The following B3GAT2 variants were observed in gnomAD, a reference collection of about 807,000 sequenced individuals.
The protein encoded by B3GAT2 is galactosylgalactosylxylosylprotein 3-beta-glucuronosyltransferase 2.
Under a neutral mutation model 27.8 loss-of-function variants are expected in B3GAT2, and 26 were observed. That is an observed-to-expected ratio of 0.93 (90% CI 0.68 to 1.30). B3GAT2 has a LOEUF of 1.30. Among genes scored for constraint, B3GAT2 ranks in the 50% most tolerant of loss-of-function variants. B3GAT2 has a pLI of 0.00. For synonymous variants in B3GAT2, 218 were observed against 195.1 expected (o/e 1.12, Z -0.98); for missense variants, 458 against 459.0 (o/e 1.00, Z 0.02).
chr6:70,919,803 T>C (rs1294286721), intron 1 of B3GAT2, among the ~76,000 whole-genome samples: 2 of 152,158 alleles, frequency 1.3e-5, no homozygotes, highest in South Asian at 2.1e-4. Context: ...CTGTATGAGA[T>C]GTCTGTTGGC....
chr6:70,921,894 G>GT (rs1446295727), intron 1 of B3GAT2, among the ~76,000 whole-genome samples: 1 of 152,194 alleles, frequency 6.6e-6, no homozygotes, highest in African/African-American at 2.4e-5. Flanking sequence ...GCTATGTGAT[G>GT]TAACGCTGAT....
In B3GAT2 at chr6:70,856,906, T is replaced by C; in HGVS notation, c.*4757A>G. The C allele has an allele frequency of 1.2e-6, 2 of 1,613,936 alleles. No individual in the cohort carries two copies. The highest frequency in any genetic ancestry group is 1.7e-6 in the Non-Finnish European group (2 of 1,179,840). On this transcript the variant is annotated 3_prime_UTR_variant, in exon 4 of 4. Transcript: ENST00000230053. ...CTGCAACCCTGTCTACAGTAACATC[T>C]GGGGATCTAGATTTATTCACTGAGC...
intron 2 of B3GAT2, among the ~76,000 whole-genome samples, chr6:70,882,281 C>A (rs890704697): frequency 1.3e-5 from 2 of 152,110 alleles, no homozygotes; most frequent in Non-Finnish European, 2.9e-5. Flanking sequence ...GCGGGCAGAT[C>A]ACGAGGTCAG....
chr6:70,914,272 C>T (rs1772732891), intron 1 of B3GAT2, among the ~76,000 whole-genome samples: 1 of 152,090 alleles, frequency 6.6e-6, no homozygotes, highest in African/African-American at 2.4e-5. Context: ...CCTAACACTA[C>T]CTCTCCCCCA....
At chr6:70,933,803 T>A (rs1360566736) in intron 1 of B3GAT2, among the ~76,000 whole-genome samples, 1 of 152,176 alleles carries the variant, frequency 6.6e-6, no homozygotes, top group Non-Finnish European at 1.5e-5. Flanking sequence ...TGACATCTTG[T>A]CTTCTGGAGC....
chr6:70,867,930 A>G (rs12663735), intron 2 of B3GAT2, among the ~76,000 whole-genome samples: 1 of 152,190 alleles, frequency 6.6e-6, no homozygotes, highest in African/African-American at 2.4e-5. Flanking sequence ...ATCAAATTCA[A>G]CAATAAAAAG....
At chr6:70,871,168 G>T in intron 2 of B3GAT2, among the ~76,000 whole-genome samples, 1 of 139,894 alleles carries the variant, frequency 7.1e-6, no homozygotes, top group Non-Finnish European at 1.6e-5. Context: ...TTTTTTTAAG[G>T]ATTTTTGCAT....
chr6:70,925,650 G>T (rs1354323955), intron 1 of B3GAT2, among the ~76,000 whole-genome samples: 2 of 152,344 alleles, frequency 1.3e-5, no homozygotes, highest in South Asian at 4.1e-4. Context: ...CGGCCAGAAA[G>T]CTCAAACTGG....
chr6:70,888,706 ACTT>A (rs1477924504), intron 2 of B3GAT2, among the ~76,000 whole-genome samples: 2 of 152,080 alleles, frequency 1.3e-5, no homozygotes, highest in Admixed American at 1.3e-4. Flanking sequence ...ATGAAGAAAA[ACTT>A]CTCATCTTAG....
intron 1 of B3GAT2, among the ~76,000 whole-genome samples, chr6:70,898,020 A>G (rs933166803): frequency 1.3e-5 from 2 of 152,196 alleles, no homozygotes; most frequent in African/African-American, 4.8e-5. Flanking sequence ...CCATAGCTTT[A>G]TAATAAGTCT....
rs774796873 is a variant in B3GAT2 at position 70,956,074 on chromosome 6, G to T, written c.356C>A (p.Ala119Glu). 4 of 1,592,038 alleles carry T rather than the reference G, an allele frequency of 2.5e-6. No individual in the cohort carries two copies. The highest frequency in any genetic ancestry group is 2.6e-6 in the Non-Finnish European group (3 of 1,173,080). ...GCTCACCAGCTCGCTGCGCGCCGCC[G>T]CGTCCTCCACCAGGATCCAGTGCAG... ...AQLHWILVED[A>E]AARSELVSRF... The change falls in exon 1 of 4, where the codon GCG becomes GAG. Residue 119 changes from alanine (A) to glutamate (E), a missense_variant. Coordinates refer to ENST00000230053, the MANE Select transcript of B3GAT2 (RefSeq NM_080742.3).
At chr6:70,909,928 C>G (rs1772663499) in intron 1 of B3GAT2, among the ~76,000 whole-genome samples, 1 of 152,088 alleles carries the variant, frequency 6.6e-6, no homozygotes, top group Non-Finnish European at 1.5e-5. Flanking sequence ...GGCTGGAGTG[C>G]AGTGGCATGA....
At chr6:70,944,510 G>A (rs919888891) in intron 1 of B3GAT2, among the ~76,000 whole-genome samples, 4 of 152,226 alleles carry the variant, frequency 2.6e-5, no homozygotes, top group Admixed American at 6.5e-5. Context: ...CGGCAGCGAG[G>A]CTGGGGGAGG....
At chr6:70,880,236 T>C (rs1324523361) in intron 2 of B3GAT2, among the ~76,000 whole-genome samples, 1 of 152,062 alleles carries the variant, frequency 6.6e-6, no homozygotes, top group African/African-American at 2.4e-5. Context: ...ACGGTTGGCT[T>C]AACAGCAGCT....
chr6:70,906,591 T>C (rs1772606248), intron 1 of B3GAT2, among the ~76,000 whole-genome samples: 1 of 152,176 alleles, frequency 6.6e-6, no homozygotes, highest in African/African-American at 2.4e-5. Context: ...CCTCCTGCCT[T>C]GGCCACCTAA....
chr6:70,899,207 C>G (rs575763555), intron 1 of B3GAT2, among the ~76,000 whole-genome samples: 2 of 152,114 alleles, frequency 1.3e-5, no homozygotes, highest in South Asian at 4.1e-4. Context: ...CCTGTGGGAC[C>G]ACTAGAACAA....
Position 70,956,341 on chromosome 6 carries a change from G to A in B3GAT2, c.89C>T (p.Pro30Leu). Residue 30 changes from proline to leucine, a missense_variant, in exon 1 of 4, where the codon CCA (proline) becomes CTA (leucine). By Grantham distance (98) the Pro-to-Leu change is moderately conservative. Transcript: ENST00000230053. The part of the protein sequence containing the change: ...IIMLDVDTRR[P>L]VPPLTPRPYF... ...GGGGCGCGGGGTGAGCGGGGGCACT[G>A]GCCTGCGCGTGTCCACGTCGAGCAT... 6.4e-7 allele frequency: 1 copy of A among 1,573,246 alleles called. No individual in the cohort carries two copies. The highest frequency in any genetic ancestry group is 8.6e-7 in the Non-Finnish European group (1 of 1,158,842).
intron 1 of B3GAT2, among the ~76,000 whole-genome samples, chr6:70,912,811 T>C (rs2150039121): frequency 6.6e-6 from 1 of 152,304 alleles, no homozygotes; most frequent in African/African-American, 2.4e-5. Flanking sequence ...AGGGCTTTTT[T>C]GGTTGGTAGG....
chr6:70,868,478 C>T (rs1247696729), intron 2 of B3GAT2, among the ~76,000 whole-genome samples: 3 of 152,200 alleles, frequency 2.0e-5, no homozygotes, highest in Non-Finnish European at 4.4e-5. Flanking sequence ...ATCCCACTGC[C>T]ACATTCTCTC....
Sources: allele counts gnomAD v4.1 joint callset (sites outside exome capture counted in the v4.1 genomes callset), GRCh38; gene constraint gnomAD v4.1.1; transcripts MANE v1.5; gene names NCBI Gene and HGNC (gene_info 2026-07-23, HGNC 2026-07-21).